Variants in SLC10A6 observed in about 807,000 individuals in gnomAD.
SLC10A6 encodes the protein solute carrier family 10 member 6.
Under a neutral mutation model 30.0 loss-of-function variants are expected in SLC10A6, and 27 were observed. The observed-to-expected ratio is 0.90, with a 90% CI of 0.66 to 1.24. The LOEUF (loss-of-function observed/expected upper bound fraction) is 1.24. Among genes scored for constraint, SLC10A6 ranks in the 50% most tolerant of loss-of-function variants. The pLI is 0.00. For missense variants in SLC10A6, 439 were observed against 457.0 expected, an observed-to-expected ratio of 0.96 and a Z score of 0.36; for synonymous variants, 166 against 173.8, an observed-to-expected ratio of 0.95 and a Z score of 0.36.
At chr4:86,825,694 C>T in intron 4 of SLC10A6, 117 bp from the exon 5 acceptor site, 1 of 1,095,658 alleles carries the variant, frequency 9.1e-7, no homozygotes, top group Non-Finnish European at 1.3e-6. Flanking sequence ...AAAATGTGTA[C>T]TCATTCCATA....
chr4:86,824,029 A>T (rs1219481294), intron 5 of SLC10A6, 127 bp from the exon 6 acceptor site: 1 of 781,242 alleles, frequency 1.3e-6, no homozygotes, highest in African/African-American at 1.7e-5. Context: ...ACACCCAGGG[A>T]AAAGAAGGGG....
At chr4:86,845,827 C>T (rs1450747462) in intron 1 of SLC10A6, among the ~76,000 whole-genome samples, 1 of 152,054 alleles carries the variant, frequency 6.6e-6, no homozygotes, top group Non-Finnish European at 1.5e-5. Context: ...GATGACAAGC[C>T]CAGGCAACTG....
chr4:86,847,118 G>A lies in SLC10A6; in HGVS notation c.377+1621C>T, dbSNP rs115820836. 2.3e-3 allele frequency among the ~76,000 whole-genome samples: 350 copies of A among 152,280 alleles called. 1 individual carries two copies. The highest frequency in any genetic ancestry group is 8.3e-3 in the African/African-American group (343 of 41,568). ...AAATGTGCCTAAACTGCAGACTGAT[G>A]TAAAACAGATGAGAATTCAAATCTG... On this transcript the variant is annotated intron_variant, in intron 1 of 5. Transcript: ENST00000273905.
intron 2 of SLC10A6, among the ~76,000 whole-genome samples, chr4:86,833,058 AT>A (rs1400081856): frequency 6.6e-6 from 1 of 152,100 alleles, no homozygotes; most frequent in Admixed American, 6.5e-5. Context: ...TTGTAGTCAG[AT>A]TCCCGGGTTA....
At chr4:86,826,700 T>A (rs1746006334) in intron 4 of SLC10A6, among the ~76,000 whole-genome samples, 1 of 152,174 alleles carries the variant, frequency 6.6e-6, no homozygotes, top group Non-Finnish European at 1.5e-5. Flanking sequence ...GGTTTTCTGG[T>A]TGCATAAAAT....
At position 86,823,673 on chromosome 4, in the gene SLC10A6, G is replaced by A. The variant is rs775488794; in HGVS notation, c.*15C>T. ...ACTGAAAAAGAAGGGGGCCAGTCCA[G>A]CCAGCTAGTCCCTGCTATTCACATG... On this transcript the variant is annotated 3_prime_UTR_variant, in exon 6 of 6. Transcript: ENST00000273905. 3 of 1,566,782 alleles carry A rather than the reference G, an allele frequency of 1.9e-6. No homozygotes were observed. Among genetic ancestry groups the A allele is most frequent in the Non-Finnish European group, 2.6e-6 (3 of 1,157,156 alleles).
Position 86,823,779 on chromosome 4 carries a change from T to C in SLC10A6, c.1043A>G (p.Asn348Ser), listed in dbSNP as rs1435023671. Residue 348 changes from asparagine to serine, a missense_variant, in exon 6 of 6, where the codon AAT becomes AGT. By Grantham distance (46) the Asn-to-Ser change is conservative. Transcript: ENST00000273905. The stretch of plus-strand genomic sequence containing the variant: ...CCCAGGAGTGATGGCACCTTCTTCA[T>C]TCACCTCCAAGAAGGCATTGGTCTC... ...SRETNAFLEV[N>S]EEGAITPGPP... 1.4e-5 allele frequency: 23 copies of C among 1,614,086 alleles called. No homozygotes were observed. The African/African-American group carries it at 1.7e-4, about 12-fold the overall frequency.
At chr4:86,833,839 GA>G (rs1173682424) in intron 1 of SLC10A6, among the ~76,000 whole-genome samples, 1 of 152,012 alleles carries the variant, frequency 6.6e-6, no homozygotes, top group Non-Finnish European at 1.5e-5. Flanking sequence ...ACCCCAGAAA[GA>G]AACCCCATCC....
At chr4:86,848,638 T>C in intron 1 of SLC10A6, 101 bp downstream of exon 1, 1 of 1,385,448 alleles carries the variant, frequency 7.2e-7, no homozygotes, top group Non-Finnish European at 9.8e-7. Context: ...CCCACTAGAA[T>C]CTCTACCAAA....
chr4:86,838,571 C>T (rs1011381678), intron 1 of SLC10A6, among the ~76,000 whole-genome samples: 1 of 152,150 alleles, frequency 6.6e-6, no homozygotes, highest in Non-Finnish European at 1.5e-5. Flanking sequence ...CCCCTTTATA[C>T]TTAGTTCAAA....
At chr4:86,837,225 G>GAAAGAAAGAAAGAAAGAA (rs1553899171) in intron 1 of SLC10A6, among the ~76,000 whole-genome samples, 17 of 39,132 alleles carry the variant, frequency 4.3e-4, no homozygotes, top group Admixed American at 3.7e-4. Flanking sequence ...GAGAGAGAGA[G>GAAAGAAAGAAAGAAAGAA]AGAAAGAAAG....
chr4:86,842,857 TCTTTCTTTCTTTC>T (rs1746325697), intron 1 of SLC10A6, among the ~76,000 whole-genome samples: 1 of 56,304 alleles, frequency 1.8e-5, no homozygotes, highest in Non-Finnish European at 3.0e-5. Context: ...TTTCTTTCTT[TCTTTCTTTCTTTC>T]TTTCTTTTTT....
intron 1 of SLC10A6, among the ~76,000 whole-genome samples, chr4:86,837,327 A>AGGGAGGGAGGG (rs1560460481): frequency 3.8e-5 from 5 of 131,778 alleles, no homozygotes; most frequent in South Asian, 2.3e-4. Context: ...GGAAGGAAGG[A>AGGGAGGGAGGG]AGGAAGGAAG....
At chr4:86,843,076 G>C (rs1434342488) in intron 1 of SLC10A6, among the ~76,000 whole-genome samples, 1 of 151,804 alleles carries the variant, frequency 6.6e-6, no homozygotes, top group Non-Finnish European at 1.5e-5. Context: ...TTGCCATGTT[G>C]GCCAGGCTGG....
Position 86,849,099 on chromosome 4 carries a change from GA to G in SLC10A6, c.16del (p.Ser6ProfsTer35), listed in dbSNP as rs1746442157. ...GTTGGCAGGGCAGGCTGAGCTGCTGGAACAATTGGCTCTCATCTCCTCATCT... is the reference window on the plus strand; with the variant it reads ...GTTGGCAGGGCAGGCTGAGCTGCTGGACAATTGGCTCTCATCTCCTCATCT... MRANC[S>X]SSSACPANSS... On this transcript the variant is annotated frameshift_variant, in exon 1 of 6. Coordinates refer to ENST00000273905, the MANE Select transcript of SLC10A6 (RefSeq NM_197965.3). LOFTEE classifies it high-confidence loss of function. 2 of 1,613,010 alleles carry G rather than the reference GA, an allele frequency of 1.2e-6. No individual in the cohort carries two copies. The highest frequency in any genetic ancestry group is 1.7e-6 in the Non-Finnish European group (2 of 1,179,638).
In SLC10A6 at chr4:86,848,730, G is replaced by A; in HGVS notation, c.377+9C>T. 6.4e-7 allele frequency: 1 copy of A among 1,566,738 alleles called. No homozygotes were observed. Among genetic ancestry groups the A allele is most frequent in the Non-Finnish European group, 8.6e-7 (1 of 1,157,508 alleles). ...AGACAGACTGCTGAGCTTCCCTGGG[G>A]TTACTTACCTGAGATCCATATCTCC... On this transcript the variant is annotated intron_variant, in intron 1 of 5. Coordinates refer to ENST00000273905, the MANE Select transcript of SLC10A6 (RefSeq NM_197965.3).
intron 2 of SLC10A6, among the ~76,000 whole-genome samples, chr4:86,832,440 C>T (rs1380933504): frequency 1.3e-5 from 2 of 151,882 alleles, no homozygotes; most frequent in Non-Finnish European, 2.9e-5. Flanking sequence ...CCCTGTCTCT[C>T]CTAAAATACC....
intron 1 of SLC10A6, among the ~76,000 whole-genome samples, chr4:86,837,343 A>AAGGAAGGAAGGCAGGCAGGCAGGC (rs58692864): frequency 1.6e-4 from 16 of 102,984 alleles, no homozygotes; most frequent in African/African-American, 6.3e-4. Flanking sequence ...GGAAGGAAGG[A>AAGGAAGGAAGGCAGGCAGGCAGGC]AGGCAGGCAG....
At chr4:86,847,390 G>A (rs2149414502) in intron 1 of SLC10A6, among the ~76,000 whole-genome samples, 1 of 152,236 alleles carries the variant, frequency 6.6e-6, no homozygotes, top group East Asian at 1.9e-4. Flanking sequence ...TTCATGCAAA[G>A]AATATCTATC....
Sources: allele counts gnomAD v4.1 joint callset (sites outside exome capture counted in the v4.1 genomes callset), GRCh38; gene constraint gnomAD v4.1.1; transcripts MANE v1.5; gene names NCBI Gene and HGNC (gene_info 2026-07-23, HGNC 2026-07-21).